The following EXOC4 variants were observed in gnomAD, a reference collection of about 807,000 sequenced individuals.
The protein encoded by EXOC4 is exocyst complex component 4.
A neutral mutation model predicts 107.2 loss-of-function variants in EXOC4; 71 were observed. The ratio of observed to expected loss-of-function variants is 0.66; its 90% CI spans 0.55 to 0.81. The LOEUF (loss-of-function observed/expected upper bound fraction) is 0.81, where lower values mean the gene tolerates loss of function less well. EXOC4 is among the 30% of genes least tolerant of loss of function. The pLI, the probability that EXOC4 is intolerant of heterozygous loss-of-function variation, is 0.00. For missense variants in EXOC4, 1,108 were observed against 1,189.6 expected, an observed-to-expected ratio of 0.93 and a Z score of 1.01; for synonymous variants, 456 against 441.2, an observed-to-expected ratio of 1.03 and a Z score of -0.42.
intron 4 of EXOC4, among the ~76,000 whole-genome samples, chr7:133,310,712 T>G (rs947830808): frequency 2.0e-5 from 3 of 152,174 alleles, no homozygotes; most frequent in Non-Finnish European, 4.4e-5. Context: ...TAGCTGGATT[T>G]TAAACTCCTC....
At chr7:133,366,828 A>G (rs1030791187) in intron 6 of EXOC4, among the ~76,000 whole-genome samples, 11 of 152,222 alleles carry the variant, frequency 7.2e-5, no homozygotes, top group African/African-American at 2.4e-4. Context: ...CAGTGAGCTT[A>G]CAGTAGAGGG....
chr7:133,464,424 G>A (rs944594593), intron 7 of EXOC4, among the ~76,000 whole-genome samples: 3 of 152,124 alleles, frequency 2.0e-5, no homozygotes, highest in Non-Finnish European at 4.4e-5. Context: ...TAGTTCTAAG[G>A]CAGGCACATG....
chr7:133,809,433 A>C (rs1258454386), intron 10 of EXOC4, among the ~76,000 whole-genome samples: 1 of 152,210 alleles, frequency 6.6e-6, no homozygotes, highest in Non-Finnish European at 1.5e-5. Context: ...GAAATCTTGG[A>C]CTAAAATGGA....
chr7:133,761,330 C>G (rs1796028060), intron 10 of EXOC4, among the ~76,000 whole-genome samples: 2 of 152,054 alleles, frequency 1.3e-5, no homozygotes, highest in African/African-American at 2.4e-5. Context: ...TCATGAAACT[C>G]ATAAAAAGCC....
chr7:133,370,134 C>G (rs1346985988), intron 6 of EXOC4, among the ~76,000 whole-genome samples: 1 of 127,328 alleles, frequency 7.9e-6, no homozygotes, highest in Non-Finnish European at 1.7e-5. Context: ...CTCTCCCCCC[C>G]GCCCACCCTC....
intron 3 of EXOC4, among the ~76,000 whole-genome samples, chr7:133,299,239 C>G (rs1794589076): frequency 6.6e-6 from 1 of 151,868 alleles, no homozygotes; most frequent in Non-Finnish European, 1.5e-5. Flanking sequence ...CATTCTAGGC[C>G]TGACTTTTTT....
At chr7:133,640,628 C>T (rs570469379) in intron 10 of EXOC4, among the ~76,000 whole-genome samples, 1 of 152,104 alleles carries the variant, frequency 6.6e-6, no homozygotes, top group Non-Finnish European at 1.5e-5. Context: ...TAGCTGGAAG[C>T]CACATTCTCT....
chr7:133,320,121 G>T (rs1180332581), intron 5 of EXOC4, among the ~76,000 whole-genome samples: 1 of 152,048 alleles, frequency 6.6e-6, no homozygotes, highest in Non-Finnish European at 1.5e-5. Context: ...TTAGAGCCAG[G>T]TTCGACTATG....
At chr7:133,529,648 T>C (rs1172507877) in intron 9 of EXOC4, among the ~76,000 whole-genome samples, 2 of 152,230 alleles carry the variant, frequency 1.3e-5, no homozygotes, top group Admixed American at 6.5e-5. Flanking sequence ...CTCTCTGTAC[T>C]ATTTATGCAA....
At chr7:133,617,207 CTTAG>C (rs1457342641) in intron 9 of EXOC4, among the ~76,000 whole-genome samples, 1 of 151,862 alleles carries the variant, frequency 6.6e-6, no homozygotes, top group African/African-American at 2.4e-5. Flanking sequence ...TAGTGATTGC[CTTAG>C]TTAGGATTAC....
chr7:133,942,949 C>G (rs1195294543), intron 14 of EXOC4, among the ~76,000 whole-genome samples: 3 of 152,164 alleles, frequency 2.0e-5, no homozygotes, highest in Admixed American at 6.5e-5. Context: ...GTTAGAAACT[C>G]CATCTGTCTT....
At chr7:133,413,831 A>G (rs1351557621) in intron 7 of EXOC4, among the ~76,000 whole-genome samples, 2 of 152,156 alleles carry the variant, frequency 1.3e-5, no homozygotes, top group Admixed American at 1.3e-4. Context: ...GGTTTGGCCC[A>G]TAGTGACTGA....
At chr7:134,000,528 A>G (rs1794507733) in intron 15 of EXOC4, among the ~76,000 whole-genome samples, 1 of 152,156 alleles carries the variant, frequency 6.6e-6, no homozygotes, top group South Asian at 2.1e-4. Context: ...CAGATAAAGT[A>G]AGGGCTACTT....
chr7:133,730,747 C>A (rs1795309253), intron 10 of EXOC4, among the ~76,000 whole-genome samples: 1 of 152,130 alleles, frequency 6.6e-6, no homozygotes, highest in Non-Finnish European at 1.5e-5. Context: ...TTCAAAAATA[C>A]CAACATTGAA....
At chr7:133,571,170 A>G (rs986938242) in intron 9 of EXOC4, among the ~76,000 whole-genome samples, 1 of 152,210 alleles carries the variant, frequency 6.6e-6, no homozygotes, top group Non-Finnish European at 1.5e-5. Flanking sequence ...AGATCATGTA[A>G]TGGTTTAGAG....
At chr7:133,620,004 G>A (rs1420770062) in intron 9 of EXOC4, among the ~76,000 whole-genome samples, 1 of 150,838 alleles carries the variant, frequency 6.6e-6, no homozygotes, top group African/African-American at 2.5e-5. Flanking sequence ...GTGTGTGTGT[G>A]TGTGTTTGTT....
chr7:133,525,375 C>G (rs186235731), intron 9 of EXOC4, among the ~76,000 whole-genome samples: 5 of 152,244 alleles, frequency 3.3e-5, no homozygotes, highest in South Asian at 2.1e-4. Flanking sequence ...GAATAATAAG[C>G]TAGTGTTGCT....
intron 12 of EXOC4, among the ~76,000 whole-genome samples, chr7:133,897,019 C>G (rs1799331946): frequency 6.7e-6 from 1 of 149,218 alleles, no homozygotes. Context: ...GAACAGAGTT[C>G]CTATTAGAAT....
chr7:133,626,713 C>T (rs1398617274), intron 9 of EXOC4, among the ~76,000 whole-genome samples: 1 of 152,150 alleles, frequency 6.6e-6, no homozygotes, highest in Non-Finnish European at 1.5e-5. Flanking sequence ...CATACCCTGT[C>T]AATGTGCATA....
Sources: allele counts gnomAD v4.1 joint callset (sites outside exome capture counted in the v4.1 genomes callset), GRCh38; gene constraint gnomAD v4.1.1; transcripts MANE v1.5; gene names NCBI Gene and HGNC (gene_info 2026-07-23, HGNC 2026-07-21).